Variants in RAD23B observed in about 807,000 individuals in gnomAD.
The protein encoded by RAD23B is RAD23 nucleotide excision repair protein B.
A neutral mutation model predicts 49.1 loss-of-function variants in RAD23B; 5 were observed. That is an observed-to-expected ratio of 0.10 (90% CI 0.05 to 0.21). The LOEUF (loss-of-function observed/expected upper bound fraction) is 0.21, where lower values mean the gene tolerates loss of function less well. Ranked by LOEUF, RAD23B falls within the 10% of genes least tolerant of loss-of-function variation. The probability of loss-of-function intolerance (pLI) is 1.00; values close to 1 mark genes in which losing one functional copy is unlikely to be tolerated. For missense variants in RAD23B, 356 were observed against 486.7 expected, an observed-to-expected ratio of 0.73 and a Z score of 2.53; for synonymous variants, 184 against 165.4, an observed-to-expected ratio of 1.11 and a Z score of -0.86.
intron 5 of RAD23B, among the ~76,000 whole-genome samples, chr9:107,315,153 TTGA>T (rs138573056): frequency 0.055 from 8,296 of 152,192 alleles, 684 homozygotes; most frequent in African/African-American, 0.19. Context: ...ACTTTTGTGT[TTGA>T]TGAGAAGTCT....
intron 1 of RAD23B, among the ~76,000 whole-genome samples, chr9:107,295,998 G>A (rs192225716): frequency 2.6e-5 from 4 of 152,324 alleles, no homozygotes; most frequent in Admixed American, 2.6e-4. Context: ...AGATTCAAGA[G>A]CAAGTATAGT....
intron 5 of RAD23B, among the ~76,000 whole-genome samples, chr9:107,316,256 C>T (rs968379779): frequency 2.0e-5 from 3 of 152,120 alleles, no homozygotes; most frequent in Non-Finnish European, 4.4e-5. Flanking sequence ...CGTGATCTGC[C>T]CGCCTCGGCC....
chr9:107,302,496 A>G (rs979586721), intron 3 of RAD23B, among the ~76,000 whole-genome samples: 3 of 152,172 alleles, frequency 2.0e-5, no homozygotes, highest in Admixed American at 6.5e-5. Context: ...TAAATTACGT[A>G]CTAGTCCTAA....
At chr9:107,300,114 C>T (rs952951528) in intron 1 of RAD23B, 27 bp from the exon 2 acceptor site, 3 of 1,578,926 alleles carry the variant, frequency 1.9e-6, no homozygotes, top group Admixed American at 1.9e-5. Context: ...AGACTTTTTC[C>T]AAAACAAATC....
At chr9:107,306,090 T>TATATATATATATA (rs1826764540) in intron 3 of RAD23B, among the ~76,000 whole-genome samples, 1 of 127,682 alleles carries the variant, frequency 7.8e-6, no homozygotes, top group African/African-American at 2.7e-5. Flanking sequence ...TCTATATATA[T>TATATATATATATA]TTCAAATTTT....
At chr9:107,325,451 G>C (rs73517764) in intron 9 of RAD23B, among the ~76,000 whole-genome samples, 1,552 of 151,400 alleles carry the variant, frequency 0.01, 26 homozygotes, top group African/African-American at 0.034. Context: ...TGTAGAAGTT[G>C]TGTAATACTT....
chr9:107,301,125 C>G (rs1223113502), intron 2 of RAD23B, among the ~76,000 whole-genome samples: 5 of 152,194 alleles, frequency 3.3e-5, no homozygotes, highest in Admixed American at 2.6e-4. Flanking sequence ...AGAGTCCTAG[C>G]TACCTAATAG....
At chr9:107,291,102 A>G (rs1000657022) in intron 1 of RAD23B, among the ~76,000 whole-genome samples, 4 of 152,246 alleles carry the variant, frequency 2.6e-5, no homozygotes, top group African/African-American at 9.6e-5. Flanking sequence ...CCAGCTACAA[A>G]TGACTGACAA....
At position 107,290,630 on chromosome 9, in the gene RAD23B, A is replaced by G. The variant is rs560529243; in HGVS notation, c.66+6935A>G. Among the ~76,000 whole-genome samples the G allele has an allele frequency of 9.2e-5, 14 of 152,328 alleles. No individual in the cohort carries two copies. In the South Asian group the frequency reaches 1.5e-3, roughly 16 times the overall value. On this transcript the variant is annotated intron_variant, in intron 1 of 9. Coordinates refer to ENST00000358015, the MANE Select transcript of RAD23B (RefSeq NM_002874.5). ...TTAAAATGAGAGTAATAATAATTGA[A>G]CTGCTTTCCTAACAGTTGTGAAAAT...
At chr9:107,284,545 C>T in intron 1 of RAD23B, 2 of 198,826 alleles carry the variant, frequency 1.0e-5, no homozygotes, top group Non-Finnish European at 1.8e-5. Flanking sequence ...AAGCCTTAAA[C>T]ATTTCAGAAG....
At chr9:107,313,678 C>G (rs1158389876) in intron 5 of RAD23B, among the ~76,000 whole-genome samples, 1 of 152,208 alleles carries the variant, frequency 6.6e-6, no homozygotes, top group Non-Finnish European at 1.5e-5. Context: ...AGATCTCCCT[C>G]TGAACTCCCA....
intron 4 of RAD23B, among the ~76,000 whole-genome samples, chr9:107,307,069 T>C (rs1826795204): frequency 6.6e-6 from 1 of 152,204 alleles, no homozygotes; most frequent in Admixed American, 6.5e-5. Context: ...TGTTAGTAAA[T>C]CTTTCCCGTA....
At chr9:107,285,513 C>T (rs10739235) in intron 1 of RAD23B, among the ~76,000 whole-genome samples, 147,864 of 152,342 alleles carry the variant, frequency 0.97, 71,786 homozygotes, top group African/African-American at 0.99. Flanking sequence ...GAAGTATTTA[C>T]GTTCTGTAAG....
At chr9:107,299,240 A>G (rs779750839) in intron 1 of RAD23B, among the ~76,000 whole-genome samples, 7 of 152,238 alleles carry the variant, frequency 4.6e-5, no homozygotes, top group Non-Finnish European at 8.8e-5. Flanking sequence ...CTAAAACTCA[A>G]GAGAACTGTC....
intron 6 of RAD23B, among the ~76,000 whole-genome samples, chr9:107,320,652 T>C (rs145462273): frequency 5.1e-4 from 78 of 152,338 alleles, no homozygotes; most frequent in African/African-American, 1.7e-3. Context: ...TGTTGAGCAT[T>C]TATATAAGAG....
chr9:107,320,675 G>A (rs1344180045), intron 6 of RAD23B, among the ~76,000 whole-genome samples: 1 of 152,240 alleles, frequency 6.6e-6, no homozygotes, highest in African/African-American at 2.4e-5. Flanking sequence ...TATGTAATGT[G>A]TGAGAATAGA....
At chr9:107,319,942 A>G (rs7022950) in intron 6 of RAD23B, among the ~76,000 whole-genome samples, 2,137 of 152,290 alleles carry the variant, frequency 0.014, 51 homozygotes, top group African/African-American at 0.048. Context: ...TCAAAGTCTG[A>G]ATTGCCCTAA....
rs1827320565 is a variant in RAD23B at position 107,332,098 on chromosome 9, T to C, written c.*2442T>C. 4.2e-6 allele frequency: 1 copy of C among 235,610 alleles called. No homozygotes were observed. Among genetic ancestry groups the C allele is most frequent in the Admixed American group, 5.5e-5 (1 of 18,294 alleles). The allele number at this position is 235,610 out of a possible 1,614,324, so 14.6% of individuals were successfully genotyped here. A position where few individuals can be genotyped will look rare whatever the true frequency, so the allele number is the denominator to read the frequency against. ...ATCCTCTAGTCAAATTTTTTTTCAT[T>C]GTTTAAAAATACGGAAGTGTTCCAA... On this transcript the variant is annotated 3_prime_UTR_variant, in exon 10 of 10. Transcript: ENST00000358015.
At position 107,323,911 on chromosome 9, in the gene RAD23B, G is replaced by A. The variant is rs1827154383; in HGVS notation, c.839G>A (p.Arg280Gln). The change falls in exon 8 of 10, where the codon CGG becomes CAG. Residue 280 changes from arginine (R) to glutamine (Q), a missense_variant. Transcript: ENST00000358015. Reference protein sequence around the residue: ...SSGGHPLEFLRNQPQFQQMRQ... With the variant: ...SSGGHPLEFLQNQPQFQQMRQ... ...TTAGGACATCCCCTTGAATTTTTAC[G>A]GAATCAGCCTCAGTTTCAACAGATG... The A allele has an allele frequency of 1.2e-6, 2 of 1,610,298 alleles. No individual in the cohort carries two copies. The highest frequency in any genetic ancestry group is 1.1e-5 in the South Asian group (1 of 91,000).
Sources: allele counts gnomAD v4.1 joint callset (sites outside exome capture counted in the v4.1 genomes callset), GRCh38; gene constraint gnomAD v4.1.1; transcripts MANE v1.5; gene names NCBI Gene and HGNC (gene_info 2026-07-23, HGNC 2026-07-21).